Variants in MTR observed in about 807,000 individuals in gnomAD.
MTR encodes the protein 5-methyltetrahydrofolate-homocysteine methyltransferase.
MTR carries 84 observed loss-of-function variants against 154.8 expected under a neutral mutation model. That is an observed-to-expected ratio of 0.54 (90% CI 0.45 to 0.65). The LOEUF (loss-of-function observed/expected upper bound fraction) is 0.65. Among genes scored for constraint, MTR ranks in the 30% least tolerant of loss-of-function variants. MTR has a pLI of 0.00. For synonymous variants in MTR, 554 were observed against 553.9 expected (o/e 1.00, Z 0.00); for missense variants, 1,275 against 1,570.2 (o/e 0.81, Z 3.18).
chr1:236,822,032 G>A (rs919934767), intron 8 of MTR, among the ~76,000 whole-genome samples: 1 of 152,110 alleles, frequency 6.6e-6, no homozygotes, highest in Admixed American at 6.5e-5. Context: ...TGTGTTGGCT[G>A]TTCTGGGTCT....
chr1:236,871,508 T>C (rs568735479), intron 22 of MTR, among the ~76,000 whole-genome samples: 17 of 136,202 alleles, frequency 1.2e-4, no homozygotes, highest in East Asian at 2.3e-4. Flanking sequence ...TTAAAACATA[T>C]ACAATGTTAA....
intron 5 of MTR, among the ~76,000 whole-genome samples, chr1:236,812,236 T>C (rs1661347019): frequency 6.6e-6 from 1 of 152,244 alleles, no homozygotes; most frequent in African/African-American, 2.4e-5. Flanking sequence ...TGTTTGAGAC[T>C]GAAATTGCTC....
intron 12 of MTR, 49 bp downstream of exon 12, chr1:236,829,317 G>C (rs377716236): frequency 3.6e-5 from 53 of 1,453,946 alleles, no homozygotes; most frequent in Non-Finnish European, 5.1e-5. Flanking sequence ...CATTTGTGGA[G>C]TGTGAGTATT....
intron 25 of MTR, among the ~76,000 whole-genome samples, chr1:236,882,638 C>A (rs995902861): frequency 6.6e-6 from 1 of 152,092 alleles, no homozygotes; most frequent in African/African-American, 2.4e-5. Context: ...AGTGATCCAC[C>A]CGCCTCGGCT....
At chr1:236,798,129 G>C (rs766285584) in intron 1 of MTR, among the ~76,000 whole-genome samples, 4 of 152,162 alleles carry the variant, frequency 2.6e-5, no homozygotes, top group Non-Finnish European at 5.9e-5. Context: ...TGCTGAGAAA[G>C]CCTTGGGATC....
chr1:236,843,345 A>G (rs954252532), intron 15 of MTR, among the ~76,000 whole-genome samples: 3 of 152,116 alleles, frequency 2.0e-5, no homozygotes, highest in African/African-American at 7.2e-5. Context: ...TTGAAAACCA[A>G]CAGGGAAGCC....
chr1:236,866,840 G>A (rs916074261), intron 22 of MTR, among the ~76,000 whole-genome samples: 1 of 152,238 alleles, frequency 6.6e-6, no homozygotes, highest in Non-Finnish European at 1.5e-5. Flanking sequence ...CATTGCTGGA[G>A]CAATAACAAA....
intron 6 of MTR, 69 bp from the exon 7 acceptor site, chr1:236,815,535 A>G (rs1661538377): frequency 1.3e-5 from 20 of 1,495,750 alleles, no homozygotes; most frequent in Non-Finnish European, 1.7e-5. Flanking sequence ...GTGCATTCTA[A>G]TCAGGAAGTT....
At position 236,824,236 on chromosome 1, in the gene MTR, G is replaced by A; in HGVS notation, c.865+17G>A. 6.4e-7 allele frequency: 1 copy of A among 1,559,800 alleles called. No homozygotes were observed. Among genetic ancestry groups the A allele is most frequent in the Non-Finnish European group, 8.8e-7 (1 of 1,130,456 alleles). On this transcript the variant is annotated intron_variant, in intron 9 of 32. Transcript: ENST00000366577. Reference sequence around the variant, plus strand: ...CCAATGCAGGTGTGTGTTTCAAGGGGGTCACACATGGGGAGATAAAAATAA... The same window carrying A: ...CCAATGCAGGTGTGTGTTTCAAGGGAGTCACACATGGGGAGATAAAAATAA...
In MTR at chr1:236,806,192, A is replaced by G. The variant is rs745828101; in HGVS notation, c.298A>G (p.Ser100Gly). 6.2e-7 allele frequency: 1 copy of G among 1,614,202 alleles called. No homozygotes were observed. The highest frequency in any genetic ancestry group is 8.5e-7 in the Non-Finnish European group (1 of 1,180,026). Residue 100 changes from serine (S) to glycine (G), a missense_variant, in exon 3 of 33, where the codon AGC becomes GGC. Physicochemically the swap from Ser to Gly is moderately conservative, Grantham distance 56. Coordinates refer to ENST00000366577, the MANE Select transcript of MTR (RefSeq NM_000254.3). ...TATCATTGAAACAAATACTTTTAGC[A>G]GCACTAGTATTGCCCAAGCTGACTA... is the stretch of plus-strand genomic sequence containing the variant. ...ADIIETNTFS[S>G]TSIAQADYGL...
intron 14 of MTR, among the ~76,000 whole-genome samples, chr1:236,836,558 C>G (rs1662919129): frequency 6.6e-6 from 1 of 152,080 alleles, no homozygotes; most frequent in Non-Finnish European, 1.5e-5. Context: ...TGAAGTTCTT[C>G]TTTTTTAAAG....
intron 4 of MTR, 110 bp from the exon 5 acceptor site, chr1:236,810,393 A>G (rs2103038628): frequency 1.1e-6 from 1 of 926,134 alleles, no homozygotes. Context: ...AGAGTTGTGG[A>G]CAAAAGATTA....
chr1:236,852,579 G>C lies in MTR; in HGVS notation c.1754G>C (p.Arg585Pro). 6.2e-7 allele frequency: 1 copy of C among 1,613,992 alleles called. No homozygotes were observed. The highest frequency in any genetic ancestry group is 8.5e-7 in the Non-Finnish European group (1 of 1,179,986). Residue 585 changes from arginine to proline, a missense_variant, in exon 17 of 33, where the codon CGA (arginine) becomes CCA (proline). Coordinates refer to ENST00000366577, the MANE Select transcript of MTR (RefSeq NM_000254.3). ...GGLSNLSFSFRGMEAIREAMH... is the reference protein window; with the variant it reads ...GGLSNLSFSFPGMEAIREAMH... The stretch of plus-strand genomic sequence containing the variant: ...CTTTCCAACTTGTCCTTCTCCTTCC[G>C]AGGAATGGAAGCCATTCGAGAAGCA...
intron 14 of MTR, among the ~76,000 whole-genome samples, chr1:236,836,471 A>G (rs1485168403): frequency 3.3e-5 from 5 of 152,192 alleles, no homozygotes; most frequent in Non-Finnish European, 5.9e-5. Context: ...CCTAGTCTCA[A>G]TCAATCCTCC....
At chr1:236,835,477 A>G (rs1662852712) in intron 13 of MTR, 70 bp from the exon 14 acceptor site, 1 of 1,581,704 alleles carries the variant, frequency 6.3e-7, no homozygotes. Flanking sequence ...AAGGGTAAGG[A>G]ATTACCTCAT....
At chr1:236,798,037 C>G (rs1190256146) in intron 1 of MTR, among the ~76,000 whole-genome samples, 1 of 151,602 alleles carries the variant, frequency 6.6e-6, no homozygotes, top group Non-Finnish European at 1.5e-5. Flanking sequence ...ATTAGAGATC[C>G]AAAAATGAAA....
rs1663765129 is a variant in MTR at position 236,849,334 on chromosome 1, AAAAC to A, written c.1516-1007_1516-1004del. On this transcript the variant is annotated intron_variant, in intron 15 of 32. Coordinates refer to ENST00000366577, the MANE Select transcript of MTR (RefSeq NM_000254.3). ...AGGAGTTTACCAATTAACAAGTAAT[AAAAC>A]AACGAAAAATACTAAAGATGTTGCC... 2.6e-5 allele frequency among the ~76,000 whole-genome samples: 4 copies of A among 152,352 alleles called. No homozygotes were observed. The South Asian group carries it at 8.3e-4, about 32-fold the overall frequency.
chr1:236,810,961 A>C (rs1168558276), intron 5 of MTR, among the ~76,000 whole-genome samples: 2 of 152,360 alleles, frequency 1.3e-5, no homozygotes, highest in East Asian at 3.9e-4. Flanking sequence ...ATCAGAAGGC[A>C]GTCCAAACTA....
Position 236,882,640 on chromosome 1 carries a change from G to A in MTR, c.2676+1804G>A, listed in dbSNP as rs188224681. ...ACTCCTGACCTCAAGTGATCCACCC[G>A]CCTCGGCTTCCCAAAGTGCTGGGAT... is the stretch of plus-strand genomic sequence containing the variant. On this transcript the variant is annotated intron_variant, in intron 25 of 32. Coordinates refer to ENST00000366577, the MANE Select transcript of MTR (RefSeq NM_000254.3). 2.5e-3 allele frequency among the ~76,000 whole-genome samples: 377 copies of A among 152,170 alleles called. 4 individuals carry two copies. The highest frequency in any genetic ancestry group is 8.0e-3 in the African/African-American group (334 of 41,524).
Sources: allele counts gnomAD v4.1 joint callset (sites outside exome capture counted in the v4.1 genomes callset), GRCh38; gene constraint gnomAD v4.1.1; transcripts MANE v1.5; gene names NCBI Gene and HGNC (gene_info 2026-07-23, HGNC 2026-07-21).